The following PCMTD1 variants were observed in gnomAD, a reference collection of about 807,000 sequenced individuals.
PCMTD1 encodes protein-L-isoaspartate O-methyltransferase domain-containing protein 1.
In PCMTD1, 12 loss-of-function variants were observed where a neutral mutation model predicts 37.6. The observed-to-expected ratio is 0.32, with a 90% confidence interval of 0.20 to 0.52. PCMTD1 has a LOEUF of 0.52. PCMTD1 is among the 20% of genes least tolerant of loss of function. The pLI is 0.97. For missense variants in PCMTD1, 235 were observed against 421.3 expected (o/e 0.56, Z 3.87); for synonymous variants, 117 against 135.8 (o/e 0.86, Z 0.96).
chr8:51,831,619 G>T (rs770072233), intron 4 of PCMTD1, 52 bp from the exon 5 acceptor site: 1 of 1,552,260 alleles, frequency 6.4e-7, no homozygotes, highest in East Asian at 2.3e-5. Flanking sequence ...CCAACAATGT[G>T]GTCACCTTAC....
chr8:51,869,644 G>A (rs749764057), intron 1 of PCMTD1, among the ~76,000 whole-genome samples: 2 of 151,936 alleles, frequency 1.3e-5, no homozygotes, highest in Non-Finnish European at 2.9e-5. Flanking sequence ...GAGTGTTCAA[G>A]TCCTGCACTG....
rs1163240341 is a variant in PCMTD1 at position 51,817,942 on chromosome 8, C to T, written c.*2409G>A. On this transcript the variant is annotated 3_prime_UTR_variant, in exon 6 of 6. Transcript: ENST00000522514. ...GTTTTCTCATCTGCAAAATAAACAC[C>T]CAAATTAGATGATACTTACTGTTTT... The T allele has an allele frequency of 2.4e-5, 11 of 456,662 alleles. No homozygotes were observed. Among genetic ancestry groups the T allele is most frequent in the Non-Finnish European group, 4.0e-5 (9 of 226,984 alleles). 28.3% of individuals were successfully genotyped at this position (456,662 alleles called of 1,614,324 possible).
intron 3 of PCMTD1, among the ~76,000 whole-genome samples, chr8:51,837,289 C>T (rs2038082432): frequency 6.6e-6 from 1 of 152,140 alleles, no homozygotes; most frequent in East Asian, 1.9e-4. Flanking sequence ...TCATACTTTC[C>T]TTTAACATGT....
Position 51,818,124 on chromosome 8 carries a change from CTAATA to C in PCMTD1, c.*2222_*2226del, listed in dbSNP as rs1483139977. ...AACACAAACCCAAAATATTCTTATT[CTAATA>C]TATCTGCATTAATAGATAAAAAGGC... On this transcript the variant is annotated 3_prime_UTR_variant, in exon 6 of 6. Coordinates refer to ENST00000522514, the MANE Select transcript of PCMTD1 (RefSeq NM_052937.4). 10 of 353,238 alleles carry C rather than the reference CTAATA, an allele frequency of 2.8e-5. No homozygotes were observed. The Admixed American group carries it at 3.6e-4, about 13-fold the overall frequency. The allele number at this position is 353,238 out of a possible 1,614,324, so 21.9% of individuals were successfully genotyped here.
chr8:51,867,459 G>GA (rs2038571159), intron 1 of PCMTD1, among the ~76,000 whole-genome samples: 1 of 147,742 alleles, frequency 6.8e-6, no homozygotes, highest in African/African-American at 2.5e-5. Flanking sequence ...ATCATCAGAG[G>GA]AATGGGTAAA....
chr8:51,845,822 T>TAA, intron 2 of PCMTD1, 59 bp from the exon 3 acceptor site: 2 of 1,202,900 alleles, frequency 1.7e-6, no homozygotes, highest in Middle Eastern at 2.0e-4. Flanking sequence ...ACAGAGCTCT[T>TAA]TTTTAAGTTC....
At chr8:51,827,110 C>G in intron 5 of PCMTD1, 1 of 1,005,548 alleles carries the variant, frequency 9.9e-7, no homozygotes, top group Non-Finnish European at 1.2e-6. Flanking sequence ...TCTACACACC[C>G]ACAAAAACTT....
chr8:51,847,308 C>T (rs926453135), intron 2 of PCMTD1, among the ~76,000 whole-genome samples: 5 of 152,098 alleles, frequency 3.3e-5, no homozygotes, highest in African/African-American at 9.7e-5. Flanking sequence ...TTTTAAAAAA[C>T]CAAATAGTTT....
chr8:51,833,760 G>C lies in PCMTD1; in HGVS notation c.411-71C>G, dbSNP rs1024814830. On this transcript the variant is annotated intron_variant, in intron 3 of 5. Coordinates refer to ENST00000522514, the MANE Select transcript of PCMTD1 (RefSeq NM_052937.4). ...GATCTAAAAAATTTACCATAATCCA[G>C]TCCTTTGAAATAATGACGTTACCCA... 4 of 1,276,594 alleles carry C rather than the reference G, an allele frequency of 3.1e-6. No individual in the cohort carries two copies. The African/African-American group carries it at 5.9e-5, about 19-fold the overall frequency. 79.1% of individuals were successfully genotyped at this position (1,276,594 alleles called of 1,614,324 possible).
intron 5 of PCMTD1, chr8:51,827,237 A>T (rs1563335490): frequency 8.7e-7 from 1 of 1,142,984 alleles, no homozygotes. Flanking sequence ...TTCCTGACTT[A>T]TTTTTATAAG....
At chr8:51,845,509 A>G (rs1362520259) in intron 3 of PCMTD1, 152 bp downstream of exon 3, 4 of 537,642 alleles carry the variant, frequency 7.4e-6, no homozygotes, top group African/African-American at 5.6e-5. Flanking sequence ...GTTATACCAC[A>G]GAATAATCTT....
intron 1 of PCMTD1, among the ~76,000 whole-genome samples, chr8:51,876,949 T>A (rs1197608634): frequency 1.3e-5 from 2 of 152,152 alleles, no homozygotes; most frequent in African/African-American, 4.8e-5. Context: ...ATCTGCGTAA[T>A]CTCAAAGTAT....
At chr8:51,890,316 C>A (rs2038919664) in intron 1 of PCMTD1, among the ~76,000 whole-genome samples, 1 of 152,130 alleles carries the variant, frequency 6.6e-6, no homozygotes. Context: ...CAGTATATAT[C>A]ACTGCTAGGC....
rs1436852167 is a variant in PCMTD1 at position 51,858,036 on chromosome 8, CTAACTT to C, written c.307+2803_307+2808del. ...ATAATAATAATAATAAAAGAAAAAC[CTAACTT>C]ACTCTCACTGAATTCGTGTTTCTGG... On this transcript the variant is annotated intron_variant, in intron 2 of 5. Coordinates refer to ENST00000522514, the MANE Select transcript of PCMTD1 (RefSeq NM_052937.4). Among the ~76,000 whole-genome samples, 6 of 152,142 alleles carry C rather than the reference CTAACTT, an allele frequency of 3.9e-5. No homozygotes were observed. The East Asian group carries it at 5.8e-4, about 15-fold the overall frequency.
At chr8:51,852,472 TATTA>T (rs2038322362) in intron 2 of PCMTD1, among the ~76,000 whole-genome samples, 1 of 152,206 alleles carries the variant, frequency 6.6e-6, no homozygotes, top group Non-Finnish European at 1.5e-5. Flanking sequence ...ATTAATTTCT[TATTA>T]ATTTTAGCTG....
chr8:51,828,726 T>C (rs2037957809), intron 5 of PCMTD1, among the ~76,000 whole-genome samples: 1 of 152,206 alleles, frequency 6.6e-6, no homozygotes. Flanking sequence ...GCATCTGTAG[T>C]CTACTAAAAA....
intron 2 of PCMTD1, among the ~76,000 whole-genome samples, chr8:51,855,269 T>C (rs1214046584): frequency 1.4e-5 from 2 of 147,592 alleles, no homozygotes; most frequent in Non-Finnish European, 3.0e-5. Context: ...GGCTCACACC[T>C]GTAATCCCAG....
At chr8:51,862,917 G>A (rs1223395697) in intron 1 of PCMTD1, among the ~76,000 whole-genome samples, 1 of 152,166 alleles carries the variant, frequency 6.6e-6, no homozygotes, top group East Asian at 1.9e-4. Flanking sequence ...TCTCCTCAAT[G>A]AATATACTTT....
rs774191183 is a variant in PCMTD1 at position 51,861,061 on chromosome 8, G to C, written c.91C>G (p.Gln31Glu). Reference sequence around the variant, plus strand: ...CCACGATCAATCGCTCTGAAGGCTTGCTCCACTCTTTCAGTACGAATATAC... The same window carrying C: ...CCACGATCAATCGCTCTGAAGGCTTCCTCCACTCTTTCAGTACGAATATAC... ...AQYIRTERVEQAFRAIDRGDY... is the reference protein window; with the variant it reads ...AQYIRTERVEEAFRAIDRGDY... Residue 31 changes from glutamine to glutamate, a missense_variant, in exon 2 of 6, where the codon CAA (glutamine) becomes GAA (glutamate). By Grantham distance (29) the Gln-to-Glu change is conservative. This residue lies in a region of PCMTD1 where 183 missense variants were observed against 349.3 expected (regional missense o/e 0.52). Transcript: ENST00000522514. 2 of 1,613,890 alleles carry C rather than the reference G, an allele frequency of 1.2e-6. No individual in the cohort carries two copies. The highest frequency in any genetic ancestry group is 1.7e-6 in the Non-Finnish European group (2 of 1,179,988).
Sources: gnomAD v4.1 joint callset for allele counts (sites outside exome capture counted in the v4.1 genomes callset) on GRCh38, gnomAD v4.1.1 for gene constraint, gnomAD v4.1.1 regional missense constraint, MANE v1.5 for transcripts, NCBI Gene and HGNC (gene_info 2026-07-23, HGNC 2026-07-21) for gene names.